ALK: variants seen among roughly 807,000 people sequenced by gnomAD.
The protein encoded by ALK is ALK tyrosine kinase receptor.
In ALK, 74 loss-of-function variants were observed where a neutral mutation model predicts 163.1. The ratio of observed to expected loss-of-function variants is 0.45; its 90% CI spans 0.38 to 0.55. The LOEUF is 0.55. ALK is among the 20% of genes least tolerant of loss of function. The pLI is 0.00. For missense variants in ALK, 2,063 were observed against 2,105.3 expected (o/e 0.98, Z 0.39); for synonymous variants, 960 against 843.2 (o/e 1.14, Z -2.40).
rs77644193 is a variant in ALK at position 29,278,561 on chromosome 2, C to T, written c.1818-3065G>A. On this transcript the variant is annotated intron_variant, in intron 9 of 28. Transcript: ENST00000389048. ...TTCCGTGGGGTCTCCCCATGGGAAA[C>T]AGTCCATAGATGAGTTTCTGGCTTG... Among the ~76,000 whole-genome samples the T allele has an allele frequency of 8.8e-3, 1,347 of 152,292 alleles. 23 individuals carry two copies. Among genetic ancestry groups the T allele is most frequent in the African/African-American group, 0.031 (1,271 of 41,552 alleles).
intron 1 of ALK, among the ~76,000 whole-genome samples, chr2:29,799,822 T>C (rs187612179): frequency 2.1e-4 from 32 of 152,352 alleles, no homozygotes; most frequent in African/African-American, 7.2e-4. Context: ...AATATTGTAT[T>C]GTCATCAATA....
chr2:29,655,666 G>A (rs138286074), intron 3 of ALK, among the ~76,000 whole-genome samples: 16 of 152,160 alleles, frequency 1.1e-4, no homozygotes, highest in African/African-American at 3.6e-4. Context: ...GAGTTGTAAG[G>A]TCTCAGCTCA....
intron 1 of ALK, among the ~76,000 whole-genome samples, chr2:29,854,770 A>AT (rs775304086): frequency 1.5e-4 from 23 of 152,172 alleles, no homozygotes; most frequent in Non-Finnish European, 2.2e-4. Context: ...GATTGAATAT[A>AT]TTTTTTATTA....
chr2:29,908,268 C>T (rs1472354926), intron 1 of ALK, among the ~76,000 whole-genome samples: 1 of 140,770 alleles, frequency 7.1e-6, no homozygotes, highest in Non-Finnish European at 1.5e-5. Context: ...CTGGCTGGTT[C>T]TACTCTCCAG....
chr2:29,475,658 C>T (rs1671498573), intron 4 of ALK, among the ~76,000 whole-genome samples: 1 of 152,150 alleles, frequency 6.6e-6, no homozygotes, highest in African/African-American at 2.4e-5. Context: ...GATCGGCGAC[C>T]CCCTGGGGCC....
intron 1 of ALK, among the ~76,000 whole-genome samples, chr2:29,763,835 G>A (rs1266541589): frequency 6.6e-6 from 1 of 152,102 alleles, no homozygotes; most frequent in African/African-American, 2.4e-5. Flanking sequence ...ACACACAATA[G>A]AGCCCAGGCC....
At chr2:29,802,904 C>T (rs192785291) in intron 1 of ALK, among the ~76,000 whole-genome samples, 2 of 151,710 alleles carry the variant, frequency 1.3e-5, no homozygotes, top group Non-Finnish European at 1.5e-5. Context: ...ATCCCCTCAA[C>T]ACTGACCCCC....
chr2:29,685,800 G>T (rs1161756275), intron 3 of ALK, among the ~76,000 whole-genome samples: 2 of 152,220 alleles, frequency 1.3e-5, no homozygotes, highest in Non-Finnish European at 2.9e-5. Context: ...TCTAAAATGG[G>T]TTGGTGGAAC....
At chr2:29,309,365 G>C (rs898859514) in intron 8 of ALK, among the ~76,000 whole-genome samples, 2 of 152,218 alleles carry the variant, frequency 1.3e-5, no homozygotes, top group African/African-American at 4.8e-5. Context: ...TCTGTGCCAA[G>C]TGCCAAGGAA....
chr2:29,672,358 G>C (rs1260223317), intron 3 of ALK, among the ~76,000 whole-genome samples: 1 of 146,158 alleles, frequency 6.8e-6, no homozygotes, highest in Admixed American at 6.9e-5. Context: ...CCCAGAGTGT[G>C]ATGCTCCCCT....
At chr2:29,669,716 T>C (rs1455559875) in intron 3 of ALK, among the ~76,000 whole-genome samples, 2 of 152,066 alleles carry the variant, frequency 1.3e-5, no homozygotes, top group Non-Finnish European at 2.9e-5. Flanking sequence ...TCTCTGGTAG[T>C]GTGTTTTAAT....
At chr2:29,739,395 T>C (rs1573597063) in intron 1 of ALK, among the ~76,000 whole-genome samples, 1 of 151,470 alleles carries the variant, frequency 6.6e-6, no homozygotes, top group South Asian at 2.1e-4. Flanking sequence ...CCGTCTCTAC[T>C]AAAAATACAA....
chr2:29,378,756 C>T (rs1668819997), intron 5 of ALK, among the ~76,000 whole-genome samples: 1 of 146,746 alleles, frequency 6.8e-6, no homozygotes, highest in Admixed American at 6.8e-5. Flanking sequence ...TGCTCTGTCA[C>T]CCAGGCTGGA....
intron 13 of ALK, 108 bp downstream of exon 13, chr2:29,239,572 C>A: frequency 7.3e-7 from 1 of 1,367,732 alleles, no homozygotes; most frequent in Non-Finnish European, 1.0e-6. Flanking sequence ...CTGTCTCATT[C>A]TCCTGGTATG....
chr2:29,691,844 G>A (rs929721859), intron 3 of ALK, among the ~76,000 whole-genome samples: 12 of 152,130 alleles, frequency 7.9e-5, no homozygotes, highest in African/African-American at 2.4e-4. Flanking sequence ...AACTTTCAAA[G>A]TTATCATGTG....
At chr2:29,807,214 C>T (rs965837281) in intron 1 of ALK, among the ~76,000 whole-genome samples, 15 of 152,174 alleles carry the variant, frequency 9.9e-5, no homozygotes, top group African/African-American at 3.6e-4. Flanking sequence ...CTGTTATTCT[C>T]GCCCCTGTGG....
At chr2:29,884,310 A>G (rs1425764793) in intron 1 of ALK, among the ~76,000 whole-genome samples, 1 of 152,230 alleles carries the variant, frequency 6.6e-6, no homozygotes, top group Non-Finnish European at 1.5e-5. Context: ...GGACCCATAC[A>G]AAGTGACAGT....
At chr2:29,546,047 T>C (rs760034600) in intron 3 of ALK, among the ~76,000 whole-genome samples, 1 of 152,224 alleles carries the variant, frequency 6.6e-6, no homozygotes, top group Non-Finnish European at 1.5e-5. Context: ...TGTGCGTATA[T>C]ACGTGTACAT....
chr2:29,335,388 T>A lies in ALK; in HGVS notation c.1283-6907A>T, dbSNP rs144972712. On this transcript the variant is annotated intron_variant, in intron 5 of 28. Transcript: ENST00000389048. ...GTGTTTTCTTTACCCTTCGTTTGAA[T>A]CTCATAAAAACTGGAAGGACCGTTA... Among the ~76,000 whole-genome samples, 95 of 152,330 alleles carry A rather than the reference T, an allele frequency of 6.2e-4. No individual in the cohort carries two copies. The East Asian group carries it at 0.017, about 28-fold the overall frequency.
Sources: allele counts gnomAD v4.1 joint callset (sites outside exome capture counted in the v4.1 genomes callset), GRCh38; gene constraint gnomAD v4.1.1; transcripts MANE v1.5; gene names NCBI Gene and HGNC (gene_info 2026-07-23, HGNC 2026-07-21).